Variants in FAM53C observed in about 807,000 individuals in gnomAD.
FAM53C encodes the protein protein FAM53C.
A neutral mutation model predicts 34.7 loss-of-function variants in FAM53C; 10 were observed. That is an observed-to-expected ratio of 0.29 (90% CI 0.18 to 0.49). FAM53C has a LOEUF of 0.49. FAM53C is among the 20% of genes least tolerant of loss of function. FAM53C has a pLI of 0.99. For synonymous variants in FAM53C, 203 were observed against 203.6 expected (o/e 1.00, Z 0.03); for missense variants, 442 against 515.3 (o/e 0.86, Z 1.38).
rs371559600 is a variant in FAM53C, at chr5:138,345,206, T to C, written c.518T>C (p.Leu173Pro). 3.1e-5 allele frequency: 50 copies of C among 1,614,070 alleles called. No individual in the cohort carries two copies. Among genetic ancestry groups the C allele is most frequent in the Non-Finnish European group, 4.2e-5 (50 of 1,180,018 alleles). ...AAGCGGGTCTCCAGCCTCAGGTTCC[T>C]CCAAGCTCCCAGTGCCTCTTCTCAA... ...PPKRVSSLRFLQAPSASSQCA... is the reference protein window; with the variant it reads ...PPKRVSSLRFPQAPSASSQCA... The change falls in exon 4 of 5, where the codon CTC becomes CCC. Residue 173 changes from leucine (L) to proline (P), a missense_variant. By Grantham distance (98) the Leu-to-Pro change is moderately conservative. Coordinates refer to ENST00000239906, the MANE Select transcript of FAM53C (RefSeq NM_016605.3). This position sits in a 1 kb window ranked among gnomAD's most constrained non-coding sequence, Gnocchi z 6.3.
rs758663573 is a variant in FAM53C at position 138,341,826 on chromosome 5, A to C, written c.96A>C (p.Ala32=). ...TTTCTTAGCCTTTGCCTGATCATGC[A>C]GACATCTCCAACTGTGGGAACTCTT... The part of the protein sequence containing the change: ...FSISLPLPDH[A]DISNCGNSFQ... Residue 32 remains alanine (A), a synonymous_variant, in exon 3 of 5, where the codon GCA becomes GCC. Transcript: ENST00000239906. 8 of 1,614,070 alleles carry C rather than the reference A, an allele frequency of 5.0e-6. No homozygotes were observed. The highest frequency in any genetic ancestry group is 6.8e-6 in the Non-Finnish European group (8 of 1,180,016).
chr5:138,338,723 G>GTTCCCCACTTGTCACCCCT (rs1760913102), intron 1 of FAM53C, among the ~76,000 whole-genome samples: 1 of 152,122 alleles, frequency 6.6e-6, no homozygotes, highest in Non-Finnish European at 1.5e-5. Context: ...GGGGAGGGGT[G>GTTCCCCACTTGTCACCCCT]TTCCCCACTT....
rs1410698876 is a variant in FAM53C at position 138,349,281 on chromosome 5, T to G, written c.*2322T>G. The G allele has an allele frequency of 3.3e-5, 5 of 152,696 alleles. No individual in the cohort carries two copies. Among genetic ancestry groups the G allele is most frequent in the Admixed American group, 2.0e-4 (3 of 15,288 alleles). 9.5% of individuals were successfully genotyped at this position (152,696 alleles called of 1,614,324 possible). A position where few individuals can be genotyped will look rare whatever the true frequency, so the allele number is the denominator to read the frequency against. On this transcript the variant is annotated 3_prime_UTR_variant, in exon 5 of 5. Coordinates refer to ENST00000239906, the MANE Select transcript of FAM53C (RefSeq NM_016605.3). ...CATTTAAAAGCAGCCTATGATTGCTTCTTTTTGTAAAGCAAGCAACCTCCC... is the reference window on the plus strand; with the variant it reads ...CATTTAAAAGCAGCCTATGATTGCTGCTTTTTGTAAAGCAAGCAACCTCCC...
intron 2 of FAM53C, 147 bp downstream of exon 2, chr5:138,341,560 A>G: frequency 1.2e-6 from 1 of 841,156 alleles, no homozygotes; most frequent in East Asian, 2.6e-5. Flanking sequence ...AACCCAGCCC[A>G]AAAGGAAGGG....
rs1323105391 is a variant in FAM53C at position 138,347,686 on chromosome 5, A to G, written c.*727A>G. 6.6e-6 allele frequency: 1 copy of G among 151,906 alleles called. No homozygotes were observed. The highest frequency in any genetic ancestry group is 1.5e-5 in the Non-Finnish European group (1 of 68,352). 9.4% of individuals were successfully genotyped at this position (151,906 alleles called of 1,614,324 possible). On this transcript the variant is annotated 3_prime_UTR_variant, in exon 5 of 5. Transcript: ENST00000239906. ...TCTTCAGCCCCACCCCCTCCCCACTAGCTCGATCTAGTATATTGGGGAATG... is the reference window on the plus strand; with the variant it reads ...TCTTCAGCCCCACCCCCTCCCCACTGGCTCGATCTAGTATATTGGGGAATG...
At position 138,345,219 on chromosome 5, in the gene FAM53C, T is replaced by C. The variant is rs1367960720; in HGVS notation, c.531T>C (p.Ser177=). The C allele has an allele frequency of 1.2e-6, 2 of 1,614,186 alleles. No individual in the cohort carries two copies. The change falls in exon 4 of 5, where the codon AGT becomes AGC. Residue 177 remains serine (S), a synonymous_variant. Coordinates refer to ENST00000239906, the MANE Select transcript of FAM53C (RefSeq NM_016605.3). This position sits in a 1 kb window ranked among gnomAD's most constrained non-coding sequence, Gnocchi z 6.3. ...VSSLRFLQAP[S]ASSQCAPAHR... ...GCCTCAGGTTCCTCCAAGCTCCCAGTGCCTCTTCTCAATGTGCCCCAGCTC... is the reference window on the plus strand; with the variant it reads ...GCCTCAGGTTCCTCCAAGCTCCCAGCGCCTCTTCTCAATGTGCCCCAGCTC...
chr5:138,346,475 A>G (rs1463993633), intron 4 of FAM53C, among the ~76,000 whole-genome samples: 1 of 152,212 alleles, frequency 6.6e-6, no homozygotes, highest in African/African-American at 2.4e-5. Flanking sequence ...AATATAAAAA[A>G]TTAGCCGGGC....
rs750961329 is a variant in FAM53C at position 138,345,594 on chromosome 5, T to G, written c.906T>G (p.Phe302Leu). The G allele has an allele frequency of 5.6e-6, 9 of 1,611,988 alleles. No individual in the cohort carries two copies. In the Admixed American group the frequency reaches 1.2e-4, roughly 21 times the overall value. The change falls in exon 4 of 5, where the codon TTT (phenylalanine) becomes TTG (leucine). Residue 302 changes from phenylalanine to leucine, a missense_variant. Transcript: ENST00000239906. The surrounding 1 kb of genome is among the most constrained non-coding windows in gnomAD (Gnocchi z 6.3). ...GGCGTCTGCGGCCTTCGTTGGACTT[T>G]GACAAGATGAATCAGGTGGGACCAG... ...DPRRLRPSLD[F>L]DKMNQKPYSG...
chr5:138,341,589 G>A lies in FAM53C; in HGVS notation c.78+176G>A, dbSNP rs988730444. Reference sequence around the variant, plus strand: ...GGAAGGGGGCAGGGATTTTTCCACCGATAGAGAAGGGACAGCAAAACTTGG... The same window carrying A: ...GGAAGGGGGCAGGGATTTTTCCACCAATAGAGAAGGGACAGCAAAACTTGG... On this transcript the variant is annotated intron_variant, in intron 2 of 4. Coordinates refer to ENST00000239906, the MANE Select transcript of FAM53C (RefSeq NM_016605.3). The A allele has an allele frequency of 2.6e-4, 195 of 749,386 alleles. 1 individual carries two copies. The highest frequency in any genetic ancestry group is 5.1e-4 in the Admixed American group (22 of 43,446). 46.4% of individuals were successfully genotyped at this position (749,386 alleles called of 1,614,324 possible).
rs2286060 is a variant in FAM53C, at chr5:138,341,535, C to T, written c.78+122C>T. On this transcript the variant is annotated intron_variant, in intron 2 of 4. Transcript: ENST00000239906. ...ATCATGGTACTTAACCTGGAAGAGCCCACTAATGGCTCAAAACCCAGCCCA... is the reference window on the plus strand; with the variant it reads ...ATCATGGTACTTAACCTGGAAGAGCTCACTAATGGCTCAAAACCCAGCCCA... The T allele has an allele frequency of 2.4e-4, 237 of 980,546 alleles. 2 individuals are homozygous for T. In the East Asian group the frequency reaches 5.5e-3, roughly 23 times the overall value. 60.7% of individuals were successfully genotyped at this position (980,546 alleles called of 1,614,324 possible).
rs1048129247 is a variant in FAM53C at position 138,348,653 on chromosome 5, A to G, written c.*1694A>G. 21 of 152,184 alleles carry G rather than the reference A, an allele frequency of 1.4e-4. No individual in the cohort carries two copies. Among genetic ancestry groups the G allele is most frequent in the African/African-American group, 3.6e-4 (15 of 41,444 alleles). The allele number at this position is 152,184 out of a possible 1,614,324, so 9.4% of individuals were successfully genotyped here. ...GCTTCAGCCTCCTCGTCTCCACTCC[A>G]GAGAGGAGGTGGCTATGTCTTCTTA... is the stretch of plus-strand genomic sequence containing the variant. On this transcript the variant is annotated 3_prime_UTR_variant, in exon 5 of 5. Transcript: ENST00000239906.
rs1212297749 is a variant in FAM53C, at chr5:138,347,105, C to T, written c.*146C>T. 1.7e-6 allele frequency: 2 copies of T among 1,156,970 alleles called. No homozygotes were observed. Among genetic ancestry groups the T allele is most frequent in the Non-Finnish European group, 2.4e-6 (2 of 818,606 alleles). 71.7% of individuals were successfully genotyped at this position (1,156,970 alleles called of 1,614,324 possible). On this transcript the variant is annotated 3_prime_UTR_variant, in exon 5 of 5. Coordinates refer to ENST00000239906, the MANE Select transcript of FAM53C (RefSeq NM_016605.3). ...AGGGCAGCTGGAAATCTTCTCGCTC[C>T]AGCAAGCTCGACCATGCCAAGAGAC... is the stretch of plus-strand genomic sequence containing the variant.
chr5:138,344,245 A>G (rs1041612516), intron 3 of FAM53C, among the ~76,000 whole-genome samples: 7 of 152,204 alleles, frequency 4.6e-5, no homozygotes, highest in African/African-American at 1.4e-4. Flanking sequence ...TTCACTGTCA[A>G]AGGCCTTCCC....
upstream of FAM53C, chr5:138,338,234 T>C: frequency 8.2e-7 from 1 of 1,220,966 alleles, no homozygotes; most frequent in Non-Finnish European, 1.1e-6. Flanking sequence ...GCCAGCGCCT[T>C]TTAAGGGCAC....
At chr5:138,342,270 T>C (rs1220586043) in intron 3 of FAM53C, 1 of 173,690 alleles carries the variant, frequency 5.8e-6, no homozygotes, top group Non-Finnish European at 1.2e-5. Context: ...AAGAAGCAAA[T>C]GTATATATTT....
At position 138,344,943 on chromosome 5, in the gene FAM53C, C is replaced by T; in HGVS notation, c.255C>T (p.Asn85=). ...ACCTCAGACCACCCAGTCGGGGAAACTCCCCCAAGGAGCAGCCCTTCTCCC... is the reference window on the plus strand; with the variant it reads ...ACCTCAGACCACCCAGTCGGGGAAATTCCCCCAAGGAGCAGCCCTTCTCCC... ...SLHLRPPSRG[N]SPKEQPFSQV... Residue 85 remains asparagine (N), a synonymous_variant, in exon 4 of 5, where the codon AAC becomes AAT. Coordinates refer to ENST00000239906, the MANE Select transcript of FAM53C (RefSeq NM_016605.3). 6.2e-7 allele frequency: 1 copy of T among 1,614,148 alleles called. No individual in the cohort carries two copies. Among genetic ancestry groups the T allele is most frequent in the African/African-American group, 1.3e-5 (1 of 75,050 alleles).
At chr5:138,338,344 G>T (rs958860672) in intron 1 of FAM53C, 37 bp downstream of exon 1, 12 of 442,516 alleles carry the variant, frequency 2.7e-5, no homozygotes, top group African/African-American at 8.3e-5. Flanking sequence ...GGGGCCTCGG[G>T]GCGGGCACCT....
chr5:138,337,774 A>G (rs1760813208), upstream of FAM53C: 1 of 379,738 alleles, frequency 2.6e-6, no homozygotes, highest in South Asian at 2.1e-5. Flanking sequence ...AGCAGCCTTC[A>G]CGCCGCGGAC....
At position 138,341,168 on chromosome 5, in the gene FAM53C, T is replaced by C. The variant is rs1487207388; in HGVS notation, c.-152-16T>C. The C allele has an allele frequency of 1.3e-6, 1 of 741,314 alleles. No individual in the cohort carries two copies. The highest frequency in any genetic ancestry group is 2.5e-6 in the Non-Finnish European group (1 of 398,616). The allele number at this position is 741,314 out of a possible 1,614,324, so 45.9% of individuals were successfully genotyped here. A position where few individuals can be genotyped will look rare whatever the true frequency, so the allele number is the denominator to read the frequency against. ...CATCTCTAATATCACTTGGGGCTGG[T>C]CCCTCTAATTGGCAGACTCAGCAGG... is the stretch of plus-strand genomic sequence containing the variant. On this transcript the variant is annotated splice_polypyrimidine_tract_variant and intron_variant, in intron 1 of 4. Transcript: ENST00000239906.
Sources: gnomAD v4.1 joint callset for allele counts (sites outside exome capture counted in the v4.1 genomes callset) on GRCh38, gnomAD v4.1.1 for gene constraint, Gnocchi (gnomAD v3.1) non-coding constraint, MANE v1.5 for transcripts, NCBI Gene and HGNC (gene_info 2026-07-23, HGNC 2026-07-21) for gene names.